SLITRK3: variants seen among roughly 807,000 people sequenced by gnomAD.
SLITRK3 encodes SLIT and NTRK-like protein 3.
SLITRK3 carries 16 observed loss-of-function variants against 63.6 expected under a neutral mutation model. The ratio of observed to expected loss-of-function variants is 0.25; its 90% CI spans 0.17 to 0.38. The LOEUF (loss-of-function observed/expected upper bound fraction) is 0.38. SLITRK3 is among the 10% of genes least tolerant of loss of function. SLITRK3 has a pLI of 1.00. For synonymous variants in SLITRK3, 547 were observed against 451.6 expected (o/e 1.21, Z -2.68); for missense variants, 1,117 against 1,181.4 (o/e 0.95, Z 0.80).
upstream of SLITRK3, chr3:165,196,905 C>CTCTG (rs1718454567): frequency 2.8e-5 from 4 of 144,144 alleles, no homozygotes; most frequent in African/African-American, 1.0e-4. Context: ...CTGTCTCTCT[C>CTCTG]TCTCTCTCTC....
At position 165,190,303 on chromosome 3, in the gene SLITRK3, C is replaced by A. The variant is rs1051642852; in HGVS notation, c.528G>T (p.Arg176Ser). ...TGAGATTATCATTTAAAATCAGAAC[C>A]CTCAATTTACTTAGGTTCCGAAATG... ...SGAFRNLSKLRVLILNDNLIP... is the reference protein window; with the variant it reads ...SGAFRNLSKLSVLILNDNLIP... The change falls in exon 2 of 2, where the codon AGG (arginine) becomes AGT (serine). Residue 176 changes from arginine to serine, a missense_variant. By Grantham distance (110) the Arg-to-Ser change is moderately radical (BLOSUM62 -1). This residue lies in a region of SLITRK3 where 452 missense variants were observed against 495.3 expected (regional missense o/e 0.91). Transcript: ENST00000475390. 3 of 1,614,076 alleles carry A rather than the reference C, an allele frequency of 1.9e-6. No homozygotes were observed. The highest frequency in any genetic ancestry group is 1.7e-6 in the Non-Finnish European group (2 of 1,180,004).
In SLITRK3 at chr3:165,190,494, A is replaced by G. The variant is rs1560054747; in HGVS notation, c.337T>C (p.Leu113=). ...AAAGCTCCAGTCTGAATGTCCTGCA[A>G]TGCATTGTTCCCAAGATTAATAGAC... The part of the protein sequence containing the change: ...AVSINLGNNA[L]QDIQTGAFNG... The change falls in exon 2 of 2, where the codon TTG becomes CTG. Residue 113 remains leucine (L), a synonymous_variant. Transcript: ENST00000475390. The G allele has an allele frequency of 1.9e-6, 3 of 1,613,978 alleles. No homozygotes were observed. The highest frequency in any genetic ancestry group is 1.3e-5 in the African/African-American group (1 of 75,048).
In SLITRK3 at chr3:165,196,219, A is replaced by T. The variant is rs1308047616; in HGVS notation, c.-661T>A. On this transcript the variant is annotated 5_prime_UTR_variant, in exon 1 of 2. Coordinates refer to ENST00000475390, the MANE Select transcript of SLITRK3 (RefSeq NM_001318810.2). The stretch of plus-strand genomic sequence containing the variant: ...GGCAGGAAGGGGGCGACTAGATCTC[A>T]GATCCCAGCATTGGTCAGACGGCGA... Among the ~76,000 whole-genome samples the T allele has an allele frequency of 6.8e-6, 1 of 147,882 alleles. No individual in the cohort carries two copies. The highest frequency in any genetic ancestry group is 1.5e-5 in the Non-Finnish European group (1 of 66,908).
chr3:165,190,501 G>T lies in SLITRK3; in HGVS notation c.330C>A (p.Asn110Lys), dbSNP rs1718170250. 1.2e-6 allele frequency: 2 copies of T among 1,613,806 alleles called. No individual in the cohort carries two copies. The highest frequency in any genetic ancestry group is 1.7e-6 in the Non-Finnish European group (2 of 1,179,924). The change falls in exon 2 of 2, where the codon AAC (asparagine) becomes AAA (lysine). Residue 110 changes from asparagine (N) to lysine (K), a missense_variant. Physicochemically the swap from Asn to Lys is moderately conservative, Grantham distance 94. Coordinates refer to ENST00000475390, the MANE Select transcript of SLITRK3 (RefSeq NM_001318810.2). ...CAGTCTGAATGTCCTGCAATGCATT[G>T]TTCCCAAGATTAATAGACACAGCAT... ...LNNAVSINLG[N>K]NALQDIQTGA...
chr3:165,192,506 A>G (rs971167613), intron 1 of SLITRK3, among the ~76,000 whole-genome samples: 18 of 151,962 alleles, frequency 1.2e-4, no homozygotes, highest in Non-Finnish European at 2.5e-4. Context: ...CTATTTTGCC[A>G]GAGTTTTTTT....
In SLITRK3 at chr3:165,188,992, C is replaced by T; in HGVS notation, c.1839G>A (p.Glu613=). 1 of 1,614,200 alleles carries T rather than the reference C, an allele frequency of 6.2e-7. No homozygotes were observed. Among genetic ancestry groups the T allele is most frequent in the Non-Finnish European group, 8.5e-7 (1 of 1,180,030 alleles). Residue 613 remains glutamate (E), a synonymous_variant, in exon 2 of 2, where the codon GAG becomes GAA. Transcript: ENST00000475390. ...RTIELEVLCP[E]MLHVAPAGES... is the part of the protein sequence containing the mutation. The stretch of plus-strand genomic sequence containing the variant: ...CTCCAGCTGGTGCAACGTGCAGCAT[C>T]TCTGGGCAAAGAACTTCCAGCTCAA...
Position 165,189,503 on chromosome 3 carries a change from C to G in SLITRK3, c.1328G>C (p.Arg443Pro). ...SLDLLHLGNN[R>P]ISYVQDGAFI... ...GGCCCCATCTTGGACATAGGAAATACGATTGTTCCCCAGATGCAAGAGATC... is the reference window on the plus strand; with the variant it reads ...GGCCCCATCTTGGACATAGGAAATAGGATTGTTCCCCAGATGCAAGAGATC... Residue 443 changes from arginine (R) to proline (P), a missense_variant, in exon 2 of 2, where the codon CGT (arginine) becomes CCT (proline). Physicochemically the swap from Arg to Pro is moderately radical, Grantham distance 103 (BLOSUM62 -2). Transcript: ENST00000475390. The surrounding 1 kb of genome is among the most constrained non-coding windows in gnomAD (Gnocchi z 4.0). 1 of 1,613,748 alleles carries G rather than the reference C, an allele frequency of 6.2e-7. No homozygotes were observed. Among genetic ancestry groups the G allele is most frequent in the Non-Finnish European group, 8.5e-7 (1 of 1,180,012 alleles).
rs1718070412 is a variant in SLITRK3 at position 165,188,889 on chromosome 3, CAGG to C, written c.1939_1941del (p.Pro647del). ...AACACAGAAAGTGGCACAGGGCCCC[CAGG>C]AGGAGAAAACTCATAAGGTGATGCA... On this transcript the variant is annotated inframe_deletion, in exon 2 of 2. Coordinates refer to ENST00000475390, the MANE Select transcript of SLITRK3 (RefSeq NM_001318810.2). 1 of 1,614,098 alleles carries C rather than the reference CAGG, an allele frequency of 6.2e-7. No individual in the cohort carries two copies. The highest frequency in any genetic ancestry group is 1.6e-4 in the Middle Eastern group (1 of 6,062).
Position 165,188,927 on chromosome 3 carries a change from G to A in SLITRK3, c.1904C>T (p.Ala635Val), listed in dbSNP as rs908677285. The A allele has an allele frequency of 1.8e-5, 29 of 1,614,108 alleles. No individual in the cohort carries two copies. Among genetic ancestry groups the A allele is most frequent in the Non-Finnish European group, 2.3e-5 (27 of 1,179,982 alleles). ...AQPGDSHLIG[A>V]PTSASPYEFS... ...CTCATAAGGTGATGCACTGGTTGGT[G>A]CCCCAATAAGGTGAGAATCTCCAGG... The change falls in exon 2 of 2, where the codon GCA becomes GTA. Residue 635 changes from alanine to valine, a missense_variant. Ala to Val is a moderately conservative substitution (Grantham distance 64). This residue lies in a region of SLITRK3 where 499 missense variants were observed against 463.6 expected (regional missense o/e 1.08). Transcript: ENST00000475390.
chr3:165,194,904 G>A (rs542453767), intron 1 of SLITRK3, among the ~76,000 whole-genome samples: 3 of 152,126 alleles, frequency 2.0e-5, no homozygotes, highest in Admixed American at 6.5e-5. Context: ...GGCTCCAAAA[G>A]TTAGGGAATA....
In SLITRK3 at chr3:165,193,553, C is replaced by T. The variant is rs559571191; in HGVS notation, c.-22+2027G>A. ...ATAAGAGCTCAGACAGCCTGAAAGACTTGGACCGAGTTTCTCCTGCATTTT... is the reference window on the plus strand; with the variant it reads ...ATAAGAGCTCAGACAGCCTGAAAGATTTGGACCGAGTTTCTCCTGCATTTT... On this transcript the variant is annotated intron_variant, in intron 1 of 1. Coordinates refer to ENST00000475390, the MANE Select transcript of SLITRK3 (RefSeq NM_001318810.2). Among the ~76,000 whole-genome samples the T allele has an allele frequency of 4.1e-4, 63 of 152,228 alleles. No homozygotes were observed. In the Middle Eastern group the frequency reaches 0.01, roughly 25 times the overall value.
intron 1 of SLITRK3, among the ~76,000 whole-genome samples, chr3:165,192,680 G>C (rs1718278220): frequency 6.7e-6 from 1 of 149,074 alleles, no homozygotes; most frequent in Admixed American, 6.8e-5. Context: ...GGTTGGGCGG[G>C]GGGACTAAGA....
In SLITRK3 at chr3:165,188,849, A is replaced by C; in HGVS notation, c.1982T>G (p.Leu661Arg). Reference sequence around the variant, plus strand: ...AAAGACTGCTGAGAAAAACAGAACCAGCAGGCTGAGAATTAACACAGAAAG... The same window carrying C: ...AAAGACTGCTGAGAAAAACAGAACCCGCAGGCTGAGAATTAACACAGAAAG... The part of the protein sequence containing the change: ...VPLSVLILSL[L>R]VLFFSAVFVA... Residue 661 changes from leucine (L) to arginine (R), a missense_variant, in exon 2 of 2, where the codon CTG (leucine) becomes CGG (arginine). Coordinates refer to ENST00000475390, the MANE Select transcript of SLITRK3 (RefSeq NM_001318810.2). 6.2e-7 allele frequency: 1 copy of C among 1,614,186 alleles called. No individual in the cohort carries two copies. Among genetic ancestry groups the C allele is most frequent in the Non-Finnish European group, 8.5e-7 (1 of 1,180,020 alleles).
rs1339667068 is a variant in SLITRK3, at chr3:165,190,284, T to G, written c.547A>C (p.Asn183His). 1 of 1,614,140 alleles carries G rather than the reference T, an allele frequency of 6.2e-7. No homozygotes were observed. Among genetic ancestry groups the G allele is most frequent in the Non-Finnish European group, 8.5e-7 (1 of 1,180,002 alleles). ...TTGGTTGGAAGCATGGGGATGAGATTATCATTTAAAATCAGAACCCTCAAT... is the reference window on the plus strand; with the variant it reads ...TTGGTTGGAAGCATGGGGATGAGATGATCATTTAAAATCAGAACCCTCAAT... ...SKLRVLILND[N>H]LIPMLPTNLF... Residue 183 changes from asparagine (N) to histidine (H), a missense_variant, in exon 2 of 2, where the codon AAT (asparagine) becomes CAT (histidine). By Grantham distance (68) the Asn-to-His change is moderately conservative. Transcript: ENST00000475390.
chr3:165,188,668 A>G lies in SLITRK3; in HGVS notation c.2163T>C (p.Gly721=). ...DGGGGGGGSG[G]GGRPTLSSPE... ...GAGAGGAAAGAGTTGGTCGACCACC[A>G]CCCCCACTTCCGCCACCACCACCTC... The change falls in exon 2 of 2, where the codon GGT becomes GGC. Residue 721 remains glycine, a synonymous_variant. Coordinates refer to ENST00000475390, the MANE Select transcript of SLITRK3 (RefSeq NM_001318810.2). The G allele has an allele frequency of 4.3e-6, 7 of 1,611,456 alleles. No individual in the cohort carries two copies. Among genetic ancestry groups the G allele is most frequent in the African/African-American group, 1.3e-5 (1 of 74,126 alleles).
At chr3:165,195,293 C>A (rs531758932) in intron 1 of SLITRK3, among the ~76,000 whole-genome samples, 8 of 152,150 alleles carry the variant, frequency 5.3e-5, no homozygotes, top group Non-Finnish European at 1.0e-4. Flanking sequence ...AGCGAGCATT[C>A]CACTGGGGGA....
rs1224190364 is a variant in SLITRK3 at position 165,196,228 on chromosome 3, C to A, written c.-670G>T. ...GGGGCGACTAGATCTCAGATCCCAG[C>A]ATTGGTCAGACGGCGAAGGTGGGGG... On this transcript the variant is annotated 5_prime_UTR_variant, in exon 1 of 2. It removes an upstream start codon present in the reference 5' UTR. Coordinates refer to ENST00000475390, the MANE Select transcript of SLITRK3 (RefSeq NM_001318810.2). 6.8e-6 allele frequency among the ~76,000 whole-genome samples: 1 copy of A among 147,878 alleles called. No homozygotes were observed. Among genetic ancestry groups the A allele is most frequent in the Non-Finnish European group, 1.5e-5 (1 of 67,308 alleles).
At chr3:165,196,438 AG>A (rs1560057307), upstream of SLITRK3, among the ~76,000 whole-genome samples, 1 of 6,374 alleles carries the variant, frequency 1.6e-4, no homozygotes, top group African/African-American at 6.7e-4. Flanking sequence ...GGTGCGGGGG[AG>A]GGGGGTGGGA....
upstream of SLITRK3, chr3:165,196,903 C>CTCTCTCTCTCTCTG (rs1718454206): frequency 7.0e-6 from 1 of 143,420 alleles, no homozygotes. Context: ...CTCTGTCTCT[C>CTCTCTCTCTCTCTG]TCTCTCTCTC....
Sources: allele counts gnomAD v4.1 joint callset (sites outside exome capture counted in the v4.1 genomes callset), GRCh38; gene constraint gnomAD v4.1.1; regional missense constraint gnomAD v4.1.1; non-coding constraint Gnocchi (gnomAD v3.1); transcripts MANE v1.5; gene names NCBI Gene and HGNC (gene_info 2026-07-23, HGNC 2026-07-21).